Variants in BTBD10 observed in about 807,000 individuals in gnomAD.
BTBD10 encodes BTB domain containing 10.
Under a neutral mutation model 53.2 loss-of-function variants are expected in BTBD10, and 21 were observed. That is an observed-to-expected ratio of 0.39 (90% CI 0.28 to 0.57). BTBD10 has a LOEUF of 0.57. Ranked by LOEUF, BTBD10 falls within the 20% of genes least tolerant of loss-of-function variation. The probability of loss-of-function intolerance (pLI) is 0.53; values close to 1 mark genes in which losing one functional copy is unlikely to be tolerated. For synonymous variants in BTBD10, 149 were observed against 192.7 expected (o/e 0.77, Z 1.88); for missense variants, 360 against 594.7 (o/e 0.61, Z 4.10).
Position 13,413,963 on chromosome 11 carries a change from A to G in BTBD10, c.688-313T>C, listed in dbSNP as rs972977462. Among the ~76,000 whole-genome samples, 3 of 152,226 alleles carry G rather than the reference A, an allele frequency of 2.0e-5. No individual in the cohort carries two copies. The East Asian group carries it at 5.8e-4, about 29-fold the overall frequency. On this transcript the variant is annotated intron_variant, in intron 5 of 8. Coordinates refer to ENST00000278174, the MANE Select transcript of BTBD10 (RefSeq NM_032320.7). ...CTTCTTTATGACATCACACCAATGCATATGTATTTTCCTTCTACAAGTTAT... is the reference window on the plus strand; with the variant it reads ...CTTCTTTATGACATCACACCAATGCGTATGTATTTTCCTTCTACAAGTTAT...
chr11:13,455,913 C>T (rs1367200127), intron 1 of BTBD10, among the ~76,000 whole-genome samples: 3 of 152,050 alleles, frequency 2.0e-5, no homozygotes, highest in Admixed American at 1.3e-4. Flanking sequence ...GTCTATCAGC[C>T]ATCAATTCAA....
At chr11:13,443,337 A>C (rs7107468) in intron 2 of BTBD10, among the ~76,000 whole-genome samples, 4,200 of 152,182 alleles carry the variant, frequency 0.028, 146 homozygotes, top group South Asian at 0.083. Context: ...ACTGACAATG[A>C]AACAACAATA....
intron 2 of BTBD10, among the ~76,000 whole-genome samples, chr11:13,426,741 G>A (rs1376047257): frequency 3.3e-5 from 5 of 151,782 alleles, no homozygotes; most frequent in Admixed American, 6.6e-5. Context: ...TACCAAAAAA[G>A]GAGATAAAAT....
chr11:13,443,239 G>C (rs576873282), intron 2 of BTBD10, among the ~76,000 whole-genome samples: 1 of 142,328 alleles, frequency 7.0e-6, no homozygotes, highest in East Asian at 2.0e-4. Context: ...GACAGAGTGA[G>C]AACCCATTTC....
At chr11:13,436,581 G>A (rs1950547191) in intron 2 of BTBD10, among the ~76,000 whole-genome samples, 1 of 152,162 alleles carries the variant, frequency 6.6e-6, no homozygotes, top group African/African-American at 2.4e-5. Flanking sequence ...AAACTTAGCG[G>A]CTAAGCAAGG....
At chr11:13,450,959 A>G (rs1300080974) in intron 1 of BTBD10, among the ~76,000 whole-genome samples, 1 of 152,200 alleles carries the variant, frequency 6.6e-6, no homozygotes, top group Non-Finnish European at 1.5e-5. Flanking sequence ...TTCAGTTTGA[A>G]GTTTTTTTGC....
intron 2 of BTBD10, among the ~76,000 whole-genome samples, chr11:13,423,748 TCTTTCA>T (rs1237535581): frequency 6.6e-6 from 1 of 152,232 alleles, no homozygotes; most frequent in East Asian, 1.9e-4. Flanking sequence ...TTTGGTGGTT[TCTTTCA>T]TTATAAAAAT....
At chr11:13,445,286 G>A (rs1055494395) in intron 1 of BTBD10, 105 bp from the exon 2 acceptor site, 5 of 447,344 alleles carry the variant, frequency 1.1e-5, no homozygotes, top group Non-Finnish European at 2.0e-5. Context: ...TTAAAGTGAT[G>A]AATAGATTAT....
At chr11:13,418,836 G>A (rs1301771206) in intron 4 of BTBD10, among the ~76,000 whole-genome samples, 2 of 152,060 alleles carry the variant, frequency 1.3e-5, no homozygotes, top group African/African-American at 4.8e-5. Flanking sequence ...GAAAAATCAA[G>A]TCTATATTGT....
At chr11:13,416,871 C>T (rs532497354) in intron 5 of BTBD10, among the ~76,000 whole-genome samples, 91 of 152,122 alleles carry the variant, frequency 6.0e-4, no homozygotes, top group African/African-American at 2.0e-3. Flanking sequence ...GTAGTCCCAA[C>T]TACTCAGGAG....
chr11:13,456,264 C>T (rs2134060241), intron 1 of BTBD10, among the ~76,000 whole-genome samples: 1 of 152,052 alleles, frequency 6.6e-6, no homozygotes, highest in South Asian at 2.1e-4. Context: ...GAATTAAAGG[C>T]CCAGAAACAG....
intron 1 of BTBD10, among the ~76,000 whole-genome samples, chr11:13,447,110 C>G (rs1387682686): frequency 6.6e-6 from 1 of 151,988 alleles, no homozygotes; most frequent in Non-Finnish European, 1.5e-5. Context: ...CAGGGATTAA[C>G]CTTTCTTTCT....
chr11:13,396,538 C>A (rs186916354), intron 8 of BTBD10, among the ~76,000 whole-genome samples: 94 of 152,270 alleles, frequency 6.2e-4, no homozygotes, highest in African/African-American at 2.2e-3. Flanking sequence ...TTATTTCCTT[C>A]TCCTGCTTAA....
intron 6 of BTBD10, among the ~76,000 whole-genome samples, chr11:13,409,956 C>T (rs1310759912): frequency 6.6e-6 from 1 of 152,062 alleles, no homozygotes; most frequent in Admixed American, 6.6e-5. Context: ...TTGATCAGGA[C>T]ACAGAGGCAC....
intron 1 of BTBD10, among the ~76,000 whole-genome samples, chr11:13,452,646 C>G (rs184491237): frequency 1.3e-5 from 2 of 152,204 alleles, no homozygotes; most frequent in Admixed American, 1.3e-4. Flanking sequence ...ATAAGGAAAA[C>G]TGGTGAGTTT....
At chr11:13,453,783 G>A (rs1263545542) in intron 1 of BTBD10, among the ~76,000 whole-genome samples, 2 of 152,200 alleles carry the variant, frequency 1.3e-5, no homozygotes, top group Non-Finnish European at 2.9e-5. Context: ...GCTGGGTGCG[G>A]TGGCTCACAC....
intron 4 of BTBD10, among the ~76,000 whole-genome samples, chr11:13,418,754 T>C (rs2133962714): frequency 6.6e-6 from 1 of 152,216 alleles, no homozygotes; most frequent in South Asian, 2.1e-4. Context: ...TTCATGCCCA[T>C]GCCCTTTCAT....
chr11:13,410,226 A>G (rs1211293733), intron 6 of BTBD10, among the ~76,000 whole-genome samples: 2 of 152,196 alleles, frequency 1.3e-5, no homozygotes, highest in Non-Finnish European at 2.9e-5. Context: ...TAAAGATAAT[A>G]TTTGAAGCCA....
chr11:13,395,551 A>G (rs1284358311), intron 8 of BTBD10, among the ~76,000 whole-genome samples: 2 of 151,986 alleles, frequency 1.3e-5, no homozygotes, highest in African/African-American at 4.8e-5. Flanking sequence ...TAATTGATCC[A>G]ATTTGTCAAT....
Sources: gnomAD v4.1 joint callset for allele counts (sites outside exome capture counted in the v4.1 genomes callset) on GRCh38, gnomAD v4.1.1 for gene constraint, MANE v1.5 for transcripts, NCBI Gene and HGNC (gene_info 2026-07-23, HGNC 2026-07-21) for gene names.